NRXN3: variants seen among roughly 807,000 people sequenced by gnomAD.
NRXN3 encodes the protein neurexin 3, also known as neurexin III.
Under a neutral mutation model 137.6 loss-of-function variants are expected in NRXN3, and 32 were observed. That is an observed-to-expected ratio of 0.23 (90% confidence interval 0.18 to 0.31). NRXN3 has a LOEUF of 0.31. Ranked by LOEUF, NRXN3 falls within the 10% of genes least tolerant of loss-of-function variation. NRXN3 has a pLI of 1.00. For missense variants in NRXN3, 1,574 were observed against 2,062.5 expected (o/e 0.76, Z 4.59); for synonymous variants, 798 against 784.5 (o/e 1.02, Z -0.29).
At chr14:78,681,813 A>C (rs2098078960) in intron 6 of NRXN3, among the ~76,000 whole-genome samples, 1 of 152,156 alleles carries the variant, frequency 6.6e-6, no homozygotes, top group African/African-American at 2.4e-5. Context: ...GACACGTAGA[A>C]GATCAAGAAA....
chr14:78,501,927 G>A (rs73320502), intron 4 of NRXN3, among the ~76,000 whole-genome samples: 3,169 of 152,158 alleles, frequency 0.021, 101 homozygotes, highest in African/African-American at 0.069. Flanking sequence ...CTGGCCTAGA[G>A]ATCTTCTATG....
intron 19 of NRXN3, among the ~76,000 whole-genome samples, chr14:79,761,059 T>C (rs999198122): frequency 6.6e-6 from 1 of 151,592 alleles, no homozygotes; most frequent in Non-Finnish European, 1.5e-5. Context: ...GACAGAGGAG[T>C]TGAGATGGCC....
At chr14:79,585,770 T>C (rs547185218) in intron 16 of NRXN3, among the ~76,000 whole-genome samples, 111 of 151,758 alleles carry the variant, frequency 7.3e-4, no homozygotes, top group African/African-American at 2.5e-3. Flanking sequence ...GGGTATAATG[T>C]TTGTTTAAGT....
At chr14:78,826,759 C>A (rs1457665718) in intron 10 of NRXN3, among the ~76,000 whole-genome samples, 4 of 152,138 alleles carry the variant, frequency 2.6e-5, no homozygotes, top group Non-Finnish European at 5.9e-5. Flanking sequence ...TTTTGGTATA[C>A]TTTTAATACT....
intron 15 of NRXN3, among the ~76,000 whole-genome samples, chr14:79,269,392 C>A (rs2153422964): frequency 6.6e-6 from 1 of 152,206 alleles, no homozygotes; most frequent in Non-Finnish European, 1.5e-5. Flanking sequence ...ACTGTAGGAG[C>A]TATGCATGCC....
At chr14:79,720,779 C>T (rs2098841834) in intron 19 of NRXN3, among the ~76,000 whole-genome samples, 1 of 152,032 alleles carries the variant, frequency 6.6e-6, no homozygotes, top group African/African-American at 2.4e-5. Context: ...ACAAATAATT[C>T]TTCAGAATGG....
intron 16 of NRXN3, among the ~76,000 whole-genome samples, chr14:79,595,384 T>C (rs568703544): frequency 6.6e-6 from 1 of 152,222 alleles, no homozygotes; most frequent in South Asian, 2.1e-4. Context: ...ATGTCTTAGA[T>C]GTAGCATGAG....
rs149492327 is a variant in NRXN3, at chr14:79,325,067, C to A, written c.3263-142154C>A. On this transcript the variant is annotated intron_variant, in intron 15 of 20. Transcript: ENST00000335750. ...ACATTTATCTCTTGGCTATTTATTT[C>A]TATAATCTCTGCCCCAAACCCTCGC... is the stretch of plus-strand genomic sequence containing the variant. 1.7e-3 allele frequency among the ~76,000 whole-genome samples: 258 copies of A among 152,284 alleles called. 3 individuals carry two copies. Among genetic ancestry groups the A allele is most frequent in the African/African-American group, 6.0e-3 (249 of 41,564 alleles).
chr14:78,186,642 A>AGT (rs2060252382), intron 1 of NRXN3, among the ~76,000 whole-genome samples: 1 of 152,236 alleles, frequency 6.6e-6, no homozygotes, highest in African/African-American at 2.4e-5. Context: ...GCTCCTTGAA[A>AGT]TGGACGTAGA....
intron 9 of NRXN3, among the ~76,000 whole-genome samples, chr14:78,806,379 T>C (rs917283802): frequency 4.6e-5 from 7 of 152,172 alleles, no homozygotes; most frequent in Non-Finnish European, 8.8e-5. Context: ...TTTCTTTCTC[T>C]TTGCCGTGAA....
chr14:79,554,790 C>A (rs957292930), intron 16 of NRXN3, among the ~76,000 whole-genome samples: 1 of 152,112 alleles, frequency 6.6e-6, no homozygotes, highest in Non-Finnish European at 1.5e-5. Context: ...CCCATTTTTA[C>A]TTTATTGGTA....
chr14:79,446,753 G>A (rs1158105925), intron 15 of NRXN3, among the ~76,000 whole-genome samples: 1 of 151,946 alleles, frequency 6.6e-6, no homozygotes, highest in Admixed American at 6.6e-5. Context: ...ACTCTTGTGT[G>A]CATAAGCATT....
Position 79,467,414 on chromosome 14 carries a change from G to A in NRXN3, c.3444+12G>A. 1 of 1,572,078 alleles carries A rather than the reference G, an allele frequency of 6.4e-7. No homozygotes were observed. The highest frequency in any genetic ancestry group is 1.7e-4 in the Middle Eastern group (1 of 5,880). On this transcript the variant is annotated intron_variant, in intron 16 of 20. Transcript: ENST00000335750. ...TCCAGCTTCACATAGTGAGTACAGG[G>A]CCTTGGCCTGGATTTTCTTATGTTA...
chr14:79,429,321 A>G (rs1268578981), intron 15 of NRXN3, among the ~76,000 whole-genome samples: 3 of 152,196 alleles, frequency 2.0e-5, no homozygotes, highest in Non-Finnish European at 4.4e-5. Context: ...TCTGGCACAC[A>G]TTATTTAACA....
intron 16 of NRXN3, among the ~76,000 whole-genome samples, chr14:79,533,628 G>T (rs573150074): frequency 6.6e-6 from 1 of 151,982 alleles, no homozygotes; most frequent in Non-Finnish European, 1.5e-5. Context: ...AATAAAAATC[G>T]TCCCAGTAAA....
At chr14:79,463,832 A>G (rs2096385181) in intron 15 of NRXN3, among the ~76,000 whole-genome samples, 1 of 152,198 alleles carries the variant, frequency 6.6e-6, no homozygotes, top group South Asian at 2.1e-4. Context: ...GTGGTATAGC[A>G]TGCCTCAGAA....
intron 15 of NRXN3, among the ~76,000 whole-genome samples, chr14:79,322,494 T>A (rs2090192838): frequency 6.6e-6 from 1 of 152,208 alleles, no homozygotes; most frequent in African/African-American, 2.4e-5. Flanking sequence ...TGTCTCTCAA[T>A]TCTTTGAGAG....
intron 4 of NRXN3, among the ~76,000 whole-genome samples, chr14:78,328,617 C>A (rs2080403346): frequency 6.6e-6 from 1 of 152,192 alleles, no homozygotes; most frequent in Admixed American, 6.5e-5. Flanking sequence ...TCAACATAGG[C>A]ACATTAATGG....
chr14:79,480,096 T>C (rs1477704921), intron 16 of NRXN3, among the ~76,000 whole-genome samples: 1 of 152,138 alleles, frequency 6.6e-6, no homozygotes, highest in Non-Finnish European at 1.5e-5. Flanking sequence ...AATCCAGATG[T>C]GGGTGTCTTC....
Sources: allele counts gnomAD v4.1 joint callset (sites outside exome capture counted in the v4.1 genomes callset), GRCh38; gene constraint gnomAD v4.1.1; transcripts MANE v1.5; gene names NCBI Gene and HGNC (gene_info 2026-07-23, HGNC 2026-07-21).